The following ADAMTS17 variants were observed in gnomAD, a reference collection of about 807,000 sequenced individuals.
ADAMTS17 encodes ADAM metallopeptidase with thrombospondin type 1 motif 17.
Under a neutral mutation model 141.5 loss-of-function variants are expected in ADAMTS17, and 113 were observed. The observed-to-expected ratio is 0.80, with a 90% confidence interval of 0.69 to 0.93. The LOEUF is 0.93. Among genes scored for constraint, ADAMTS17 ranks in the 40% least tolerant of loss-of-function variants. ADAMTS17 has a pLI of 0.00. For missense variants in ADAMTS17, 1,659 were observed against 1,517.9 expected, an observed-to-expected ratio of 1.09 and a Z score of -1.54; for synonymous variants, 768 against 630.6, an observed-to-expected ratio of 1.22 and a Z score of -3.27.
chr15:100,205,763 G>A (rs1336435481), intron 7 of ADAMTS17, among the ~76,000 whole-genome samples: 1 of 152,234 alleles, frequency 6.6e-6, no homozygotes, highest in Non-Finnish European at 1.5e-5. Flanking sequence ...AAGCTGAGCA[G>A]GCACACGCCT....
intron 13 of ADAMTS17, among the ~76,000 whole-genome samples, chr15:100,116,512 A>C (rs2037139810): frequency 6.6e-6 from 1 of 152,228 alleles, no homozygotes; most frequent in African/African-American, 2.4e-5. Context: ...TGCCCCTGTA[A>C]AGCTCCTTGG....
chr15:100,214,323 T>C (rs1420857144), intron 7 of ADAMTS17, among the ~76,000 whole-genome samples: 2 of 152,154 alleles, frequency 1.3e-5, no homozygotes, highest in African/African-American at 2.4e-5. Context: ...TGCTAAGATA[T>C]CATATTTAAA....
At position 100,042,642 on chromosome 15, in the gene ADAMTS17, C is replaced by T. The variant is rs147806164; in HGVS notation, c.2591+6215G>A. On this transcript the variant is annotated intron_variant, in intron 18 of 21. Coordinates refer to ENST00000268070, the MANE Select transcript of ADAMTS17 (RefSeq NM_139057.4). Reference sequence around the variant, plus strand: ...GCTTTGAGACCAATATTAAGTAAAACGCAAGAACTACGACACCCTACAGTT... The same window carrying T: ...GCTTTGAGACCAATATTAAGTAAAATGCAAGAACTACGACACCCTACAGTT... Among the ~76,000 whole-genome samples, 112 of 152,212 alleles carry T rather than the reference C, an allele frequency of 7.4e-4. 1 individual carries two copies. Among genetic ancestry groups the T allele is most frequent in the African/African-American group, 2.4e-3 (101 of 41,512 alleles).
chr15:100,174,577 C>G (rs1386220830), intron 8 of ADAMTS17, among the ~76,000 whole-genome samples: 1 of 152,172 alleles, frequency 6.6e-6, no homozygotes, highest in Non-Finnish European at 1.5e-5. Flanking sequence ...TAAAGCAATA[C>G]TTTTTTACCT....
At chr15:100,156,187 ACT>A in intron 8 of ADAMTS17, among the ~76,000 whole-genome samples, 1 of 152,328 alleles carries the variant, frequency 6.6e-6, no homozygotes, top group South Asian at 2.1e-4. Context: ...AGAGATGAAC[ACT>A]GACACAGATA....
At chr15:100,254,016 G>C in intron 7 of ADAMTS17, 120 bp downstream of exon 7, 1 of 947,504 alleles carries the variant, frequency 1.1e-6, no homozygotes, top group East Asian at 2.4e-5. Flanking sequence ...CTTACAGGAA[G>C]GAAGGCAACA....
intron 3 of ADAMTS17, among the ~76,000 whole-genome samples, chr15:100,311,589 T>C (rs2045407917): frequency 1.3e-5 from 2 of 152,148 alleles, no homozygotes; most frequent in Admixed American, 1.3e-4. Flanking sequence ...AGGGGAGAAC[T>C]GGGAAGAGCC....
intron 15 of ADAMTS17, among the ~76,000 whole-genome samples, chr15:100,067,022 C>A (rs12912347): frequency 1.5e-4 from 20 of 133,496 alleles, no homozygotes; most frequent in African/African-American, 5.2e-4. Flanking sequence ...GGCAGCCATC[C>A]TTCTAAGTGT....
chr15:99,987,095 A>G (rs1293442061), intron 20 of ADAMTS17, among the ~76,000 whole-genome samples: 1 of 152,196 alleles, frequency 6.6e-6, no homozygotes, highest in African/African-American at 2.4e-5. Flanking sequence ...AGGAGTGCTC[A>G]GCCATGCCTG....
At chr15:100,145,962 C>T (rs1268710709) in intron 10 of ADAMTS17, among the ~76,000 whole-genome samples, 1 of 152,164 alleles carries the variant, frequency 6.6e-6, no homozygotes, top group East Asian at 1.9e-4. Context: ...CACTTGAGGT[C>T]AGGAGTTCGT....
chr15:100,032,989 T>A (rs1194456969), intron 18 of ADAMTS17, among the ~76,000 whole-genome samples: 7 of 152,212 alleles, frequency 4.6e-5, no homozygotes, highest in Non-Finnish European at 1.0e-4. Flanking sequence ...TTAGCAAGAA[T>A]ACAATTTCTG....
In ADAMTS17 at chr15:100,201,638, T is replaced by C. The variant is rs531803118; in HGVS notation, c.1076-2215A>G. ...CCCAGGTACCTCATTGTGGGTCTAT[T>C]TTTATTTGGAAACATGCAATGTGCT... On this transcript the variant is annotated intron_variant, in intron 7 of 21. Coordinates refer to ENST00000268070, the MANE Select transcript of ADAMTS17 (RefSeq NM_139057.4). 1.2e-4 allele frequency among the ~76,000 whole-genome samples: 19 copies of C among 152,338 alleles called. No homozygotes were observed. The East Asian group carries it at 3.5e-3, about 28-fold the overall frequency.
At chr15:99,982,140 G>T (rs746812489) in intron 20 of ADAMTS17, among the ~76,000 whole-genome samples, 1 of 152,238 alleles carries the variant, frequency 6.6e-6, no homozygotes, top group African/African-American at 2.4e-5. Context: ...TGTGGAATAG[G>T]AGCCTAGCCG....
intron 3 of ADAMTS17, among the ~76,000 whole-genome samples, chr15:100,309,157 C>T (rs533771507): frequency 3.0e-4 from 45 of 152,266 alleles, no homozygotes; most frequent in Middle Eastern, 6.8e-3. Context: ...CAGGAGTTCA[C>T]GAAAATCCTG....
chr15:100,155,674 T>C (rs889078721), intron 8 of ADAMTS17, among the ~76,000 whole-genome samples: 1 of 152,252 alleles, frequency 6.6e-6, no homozygotes, highest in African/African-American at 2.4e-5. Flanking sequence ...ATTCCAATGT[T>C]CATGGTTTTG....
At chr15:100,199,905 C>G (rs908942558) in intron 7 of ADAMTS17, among the ~76,000 whole-genome samples, 4 of 152,242 alleles carry the variant, frequency 2.6e-5, no homozygotes, top group Non-Finnish European at 5.9e-5. Context: ...CCCGCACACC[C>G]TGAGAGGGAG....
At position 100,225,277 on chromosome 15, in the gene ADAMTS17, C is replaced by T. The variant is rs181881780; in HGVS notation, c.1076-25854G>A. ...AAGAGTTGGGGAAGAACATACAAAT[C>T]ATTCCTCTGTCATGTCAAAAATGTA... On this transcript the variant is annotated intron_variant, in intron 7 of 21. Coordinates refer to ENST00000268070, the MANE Select transcript of ADAMTS17 (RefSeq NM_139057.4). Among the ~76,000 whole-genome samples the T allele has an allele frequency of 4.5e-3, 686 of 152,324 alleles. 4 individuals are homozygous for T. The highest frequency in any genetic ancestry group is 0.015 in the African/African-American group (631 of 41,562).
intron 12 of ADAMTS17, among the ~76,000 whole-genome samples, chr15:100,127,510 C>T (rs2037803347): frequency 6.6e-6 from 1 of 152,200 alleles, no homozygotes; most frequent in Non-Finnish European, 1.5e-5. Context: ...GGGCTCCAAA[C>T]GTGGCCTGCC....
chr15:100,171,597 T>C (rs1433118741), intron 8 of ADAMTS17, among the ~76,000 whole-genome samples: 1 of 152,176 alleles, frequency 6.6e-6, no homozygotes, highest in Non-Finnish European at 1.5e-5. Context: ...GGTCCCATCC[T>C]TCCTGCAGCA....
Sources: gnomAD v4.1 joint callset for allele counts (sites outside exome capture counted in the v4.1 genomes callset) on GRCh38, gnomAD v4.1.1 for gene constraint, MANE v1.5 for transcripts, NCBI Gene and HGNC (gene_info 2026-07-23, HGNC 2026-07-21) for gene names.